The following CLYBL variants were observed in gnomAD, a reference collection of about 807,000 sequenced individuals.
The protein encoded by CLYBL is citramalyl-CoA lyase, mitochondrial.
Under a neutral mutation model 38.9 loss-of-function variants are expected in CLYBL, and 31 were observed. The ratio of observed to expected loss-of-function variants is 0.80; its 90% CI spans 0.60 to 1.08. The LOEUF (loss-of-function observed/expected upper bound fraction) is 1.08, where lower values mean the gene tolerates loss of function less well. CLYBL is among the 50% of genes least tolerant of loss of function. CLYBL has a pLI of 0.00. For synonymous variants in CLYBL, 171 were observed against 158.6 expected, an observed-to-expected ratio of 1.08 and a Z score of -0.59; for missense variants, 434 against 411.6, an observed-to-expected ratio of 1.05 and a Z score of -0.47.
intron 2 of CLYBL, among the ~76,000 whole-genome samples, chr13:99,773,763 T>C (rs779023549): frequency 6.6e-6 from 1 of 152,196 alleles, no homozygotes; most frequent in Non-Finnish European, 1.5e-5. Context: ...TACTGAGTAA[T>C]GGTCTTTTCT....
intron 2 of CLYBL, among the ~76,000 whole-genome samples, chr13:99,857,465 G>C (rs2051489077): frequency 6.6e-6 from 1 of 152,216 alleles, no homozygotes; most frequent in Non-Finnish European, 1.5e-5. Context: ...TAGCTAGTCT[G>C]AGCTCTCTCT....
intron 7 of CLYBL, among the ~76,000 whole-genome samples, chr13:99,879,446 C>T (rs549842333): frequency 6.6e-6 from 1 of 152,298 alleles, no homozygotes; most frequent in Non-Finnish European, 1.5e-5. Context: ...CGGTGTCCTG[C>T]GTTTCAGTAC....
chr13:99,789,152 G>C (rs545640131), intron 2 of CLYBL, among the ~76,000 whole-genome samples: 8 of 152,102 alleles, frequency 5.3e-5, no homozygotes, highest in African/African-American at 1.7e-4. Flanking sequence ...AAACCAGCTC[G>C]TGGATTCATT....
exon 10 of CLYBL, among the ~76,000 whole-genome samples, chr13:99,908,813 G>T (rs947157951): frequency 3.9e-5 from 6 of 152,164 alleles, no homozygotes; most frequent in African/African-American, 1.4e-4. Flanking sequence ...CAACTAGCAT[G>T]GTGCCTGCCC....
intron 2 of CLYBL, among the ~76,000 whole-genome samples, chr13:99,827,244 C>T (rs1003544494): frequency 2.0e-5 from 3 of 152,080 alleles, no homozygotes; most frequent in Admixed American, 6.6e-5. Context: ...GACTGTGTTC[C>T]GTATACACAT....
intron 1 of CLYBL, among the ~76,000 whole-genome samples, chr13:99,749,295 A>G (rs1594157728): frequency 1.3e-5 from 2 of 152,358 alleles, no homozygotes; most frequent in South Asian, 4.1e-4. Context: ...GCAGTGAGAC[A>G]GTATAACGCA....
intron 2 of CLYBL, among the ~76,000 whole-genome samples, chr13:99,815,534 A>G (rs2050427403): frequency 6.6e-6 from 1 of 152,206 alleles, no homozygotes; most frequent in Non-Finnish European, 1.5e-5. Flanking sequence ...ACAGTGGGCG[A>G]TGATGGCGCC....
At chr13:99,787,247 G>A (rs1187014894) in intron 2 of CLYBL, among the ~76,000 whole-genome samples, 3 of 151,962 alleles carry the variant, frequency 2.0e-5, no homozygotes, top group Non-Finnish European at 4.4e-5. Context: ...CATTGTTTTT[G>A]GTGTTTTAGA....
intron 2 of CLYBL, among the ~76,000 whole-genome samples, chr13:99,845,138 T>C (rs2051169814): frequency 6.6e-6 from 1 of 152,202 alleles, no homozygotes; most frequent in South Asian, 2.1e-4. Context: ...CTGGCAGAAC[T>C]TCCAGCCCAG....
rs916692844 is a variant in CLYBL, at chr13:99,820,530, T to A, written c.250-38331T>A. 3.0e-5 allele frequency among the ~76,000 whole-genome samples: 4 copies of A among 133,538 alleles called. No individual in the cohort carries two copies. In the Admixed American group the frequency reaches 3.3e-4, roughly 11 times the overall value. The allele number at this position is 133,538 out of a possible 152,430, so 87.6% of individuals were successfully genotyped here. ...ACCTAGCTGTATTTGTCTGAGACAG[T>A]TTTGTTTTCTCCTTTGGTCCTGTAA... is the stretch of plus-strand genomic sequence containing the variant. On this transcript the variant is annotated intron_variant, in intron 2 of 8. Transcript: ENST00000339105.
intron 3 of CLYBL, among the ~76,000 whole-genome samples, chr13:99,860,250 G>T (rs924240096): frequency 3.9e-5 from 6 of 152,000 alleles, no homozygotes; most frequent in African/African-American, 1.2e-4. Flanking sequence ...TAATATTTGG[G>T]ATCTATTGGG....
intron 7 of CLYBL, among the ~76,000 whole-genome samples, chr13:99,872,923 C>T (rs1405416172): frequency 6.7e-6 from 1 of 150,214 alleles, no homozygotes; most frequent in Non-Finnish European, 1.5e-5. Flanking sequence ...ATGATGGCAA[C>T]TTAAATGTTC....
At chr13:99,670,327 C>A (rs2047547148) in intron 1 of CLYBL, among the ~76,000 whole-genome samples, 1 of 152,144 alleles carries the variant, frequency 6.6e-6, no homozygotes. Context: ...TGTGAATAGC[C>A]ACTGCGGTCC....
chr13:99,693,712 A>C (rs143202628), intron 1 of CLYBL, among the ~76,000 whole-genome samples: 231 of 152,234 alleles, frequency 1.5e-3, no homozygotes, highest in African/African-American at 5.3e-3. Flanking sequence ...ATCTACTTTA[A>C]GGGGGATTTG....
intron 2 of CLYBL, among the ~76,000 whole-genome samples, chr13:99,794,150 G>T (rs187211727): frequency 6.6e-6 from 1 of 152,328 alleles, no homozygotes; most frequent in Admixed American, 6.5e-5. Context: ...GCCAGGCGCC[G>T]TGGCTCATGC....
At chr13:99,892,890 C>T (rs138147792), downstream of CLYBL, 1 of 152,428 alleles carries the variant, frequency 6.6e-6, no homozygotes, top group African/African-American at 2.4e-5. Flanking sequence ...AGGAGAGGCA[C>T]CATCACACAA....
chr13:99,689,535 A>C (rs1478001980), intron 1 of CLYBL, among the ~76,000 whole-genome samples: 1 of 152,250 alleles, frequency 6.6e-6, no homozygotes, highest in Non-Finnish European at 1.5e-5. Context: ...TCAGCAATGA[A>C]GGAGCATGAT....
intron 9 of CLYBL, among the ~76,000 whole-genome samples, chr13:99,905,509 G>C (rs963169058): frequency 6.6e-6 from 1 of 152,124 alleles, no homozygotes; most frequent in South Asian, 2.1e-4. Context: ...GCTGGGGGCA[G>C]TGGAGCCCTT....
chr13:99,750,623 G>A (rs189101014), intron 1 of CLYBL, among the ~76,000 whole-genome samples: 49 of 150,640 alleles, frequency 3.3e-4, no homozygotes, highest in African/African-American at 9.8e-4. Context: ...GTGGTGAGCC[G>A]AGATCGTGCC....
Sources: allele counts gnomAD v4.1 joint callset (sites outside exome capture counted in the v4.1 genomes callset), GRCh38; gene constraint gnomAD v4.1.1; transcripts MANE v1.5; gene names NCBI Gene and HGNC (gene_info 2026-07-23, HGNC 2026-07-21).